DLG2: variants seen among roughly 807,000 people sequenced by gnomAD.
DLG2 encodes the protein disks large homolog 2.
A neutral mutation model predicts 132.5 loss-of-function variants in DLG2; 45 were observed. The ratio of observed to expected loss-of-function variants is 0.34; its 90% confidence interval spans 0.27 to 0.44. The LOEUF is 0.44. DLG2 is among the 20% of genes least tolerant of loss of function. The probability of loss-of-function intolerance (pLI) is 1.00; values close to 1 mark genes in which losing one functional copy is unlikely to be tolerated. For missense variants in DLG2, 1,045 were observed against 1,196.9 expected, an observed-to-expected ratio of 0.87 and a Z score of 1.87; for synonymous variants, 424 against 419.6, an observed-to-expected ratio of 1.01 and a Z score of -0.13.
At chr11:84,261,586 T>C (rs141831743) in intron 7 of DLG2, among the ~76,000 whole-genome samples, 15 of 152,328 alleles carry the variant, frequency 9.8e-5, no homozygotes, top group Non-Finnish European at 2.1e-4. Context: ...ACATTCTGAA[T>C]GAATATTTCT....
At chr11:83,962,686 A>G (rs1241634566) in intron 14 of DLG2, among the ~76,000 whole-genome samples, 199 bp downstream of exon 14, 2 of 152,098 alleles carry the variant, frequency 1.3e-5, no homozygotes, top group Middle Eastern at 3.2e-3. Context: ...CTTACTATTT[A>G]TTCACAAATA....
At chr11:84,575,731 A>G (rs1027082061) in intron 6 of DLG2, among the ~76,000 whole-genome samples, 31 of 152,182 alleles carry the variant, frequency 2.0e-4, no homozygotes, top group Non-Finnish European at 4.0e-4. Flanking sequence ...AATTATTATT[A>G]TTGACTATTG....
At chr11:84,405,517 G>A (rs1004216225) in intron 7 of DLG2, among the ~76,000 whole-genome samples, 7 of 152,106 alleles carry the variant, frequency 4.6e-5, no homozygotes, top group African/African-American at 7.2e-5. Context: ...CATGACTGCT[G>A]GTGCTTTGAT....
chr11:83,923,514 T>A (rs966483913), intron 15 of DLG2, among the ~76,000 whole-genome samples: 1 of 152,114 alleles, frequency 6.6e-6, no homozygotes, highest in African/African-American at 2.4e-5. Context: ...AGGGACCCGA[T>A]ATATTTTGTC....
At chr11:85,146,147 T>A (rs948709375) in intron 5 of DLG2, among the ~76,000 whole-genome samples, 3 of 151,986 alleles carry the variant, frequency 2.0e-5, no homozygotes, top group African/African-American at 7.2e-5. Context: ...ATTCCCTGGA[T>A]TACTGGGCAG....
intron 7 of DLG2, among the ~76,000 whole-genome samples, chr11:84,384,634 A>G (rs1457199335): frequency 6.6e-6 from 1 of 152,026 alleles, no homozygotes; most frequent in East Asian, 1.9e-4. Flanking sequence ...AGGCTAATGA[A>G]TTATAGCCAA....
At chr11:84,024,229 G>A (rs1191469079) in intron 11 of DLG2, among the ~76,000 whole-genome samples, 1 of 152,116 alleles carries the variant, frequency 6.6e-6, no homozygotes, top group East Asian at 1.9e-4. Flanking sequence ...GGTAAAAAAT[G>A]CATCAAACTC....
chr11:84,376,879 T>G (rs1006478743), intron 7 of DLG2, among the ~76,000 whole-genome samples: 5 of 151,964 alleles, frequency 3.3e-5, no homozygotes, highest in African/African-American at 1.2e-4. Context: ...AATTTTCATC[T>G]GATAAATGTA....
At chr11:84,764,547 G>A (rs1470088277) in intron 6 of DLG2, among the ~76,000 whole-genome samples, 2 of 152,024 alleles carry the variant, frequency 1.3e-5, no homozygotes, top group Non-Finnish European at 2.9e-5. Flanking sequence ...GACACTGTTA[G>A]TATCTCCATT....
intron 3 of DLG2, among the ~76,000 whole-genome samples, chr11:85,328,637 A>G (rs2081533227): frequency 7.1e-6 from 1 of 141,162 alleles, no homozygotes; most frequent in South Asian, 2.4e-4. Context: ...AAATAATAAG[A>G]GCTATCTATG....
At chr11:83,690,275 G>T (rs552035714) in intron 18 of DLG2, among the ~76,000 whole-genome samples, 196 of 150,912 alleles carry the variant, frequency 1.3e-3, no homozygotes, top group African/African-American at 4.4e-3. Context: ...GCACCCAGAA[G>T]CACAGACCAA....
chr11:84,486,396 C>A (rs958192221), intron 7 of DLG2, among the ~76,000 whole-genome samples: 3 of 152,068 alleles, frequency 2.0e-5, no homozygotes, highest in Non-Finnish European at 4.4e-5. Flanking sequence ...ATTAAATTAT[C>A]CAAAGTTGGA....
chr11:85,390,945 C>A (rs573380088), intron 3 of DLG2, among the ~76,000 whole-genome samples: 3 of 151,648 alleles, frequency 2.0e-5, no homozygotes, highest in African/African-American at 4.8e-5. Context: ...AAGATCAGAG[C>A]AGAACTAAAT....
intron 4 of DLG2, among the ~76,000 whole-genome samples, chr11:85,221,595 C>T (rs2074649253): frequency 6.6e-6 from 1 of 152,142 alleles, no homozygotes; most frequent in Non-Finnish European, 1.5e-5. Flanking sequence ...CTCAAGTTTA[C>T]AAAGTTCTTT....
chr11:84,568,378 G>A lies in DLG2; in HGVS notation c.358-33647C>T, dbSNP rs554736126. On this transcript the variant is annotated intron_variant, in intron 6 of 27. Transcript: ENST00000376104. ...ACAAAAATTAGCCAGACATAGAGGC[G>A]TGCCTGTAATCCCAGCTACTTGGGA... Among the ~76,000 whole-genome samples, 10 of 152,236 alleles carry A rather than the reference G, an allele frequency of 6.6e-5. No homozygotes were observed. The East Asian group carries it at 1.5e-3, about 24-fold the overall frequency.
intron 6 of DLG2, among the ~76,000 whole-genome samples, chr11:84,757,405 T>A (rs2067025898): frequency 6.6e-6 from 1 of 152,192 alleles, no homozygotes; most frequent in South Asian, 2.1e-4. Context: ...TGCAGTAGAT[T>A]GTAAATTTAA....
At chr11:84,262,077 C>G (rs1039649631) in intron 7 of DLG2, among the ~76,000 whole-genome samples, 17 of 152,216 alleles carry the variant, frequency 1.1e-4, no homozygotes, top group African/African-American at 3.9e-4. Context: ...TTCCCTATTC[C>G]TCATTGCAAC....
At chr11:84,227,508 T>C (rs1035875427) in intron 8 of DLG2, among the ~76,000 whole-genome samples, 1 of 152,186 alleles carries the variant, frequency 6.6e-6, no homozygotes, top group East Asian at 1.9e-4. Context: ...TGTAAGAATA[T>C]AGTTATTTGT....
chr11:84,903,482 C>T (rs982380600), intron 6 of DLG2, among the ~76,000 whole-genome samples: 3 of 152,000 alleles, frequency 2.0e-5, no homozygotes, highest in Non-Finnish European at 4.4e-5. Flanking sequence ...ACCAGTATGC[C>T]CTTAAGAATA....
Sources: gnomAD v4.1 joint callset for allele counts (sites outside exome capture counted in the v4.1 genomes callset) on GRCh38, gnomAD v4.1.1 for gene constraint, MANE v1.5 for transcripts, NCBI Gene and HGNC (gene_info 2026-07-23, HGNC 2026-07-21) for gene names.